Variants in TMEM181 observed in about 807,000 individuals in gnomAD.
TMEM181 encodes the protein G protein-coupled receptor 178.
Under a neutral mutation model 71.9 loss-of-function variants are expected in TMEM181, and 39 were observed. That is an observed-to-expected ratio of 0.54 (90% CI 0.42 to 0.71). The LOEUF is 0.71. TMEM181 is among the 30% of genes least tolerant of loss of function. The probability of loss-of-function intolerance (pLI) is 0.00; values close to 1 mark genes in which losing one functional copy is unlikely to be tolerated. For synonymous variants in TMEM181, 245 were observed against 228.8 expected, an observed-to-expected ratio of 1.07 and a Z score of -0.64; for missense variants, 595 against 583.0, an observed-to-expected ratio of 1.02 and a Z score of -0.21.
rs114370069 is a variant in TMEM181 at position 158,563,553 on chromosome 6, C to G, written c.8+3321C>G. 3.4e-3 allele frequency among the ~76,000 whole-genome samples: 513 copies of G among 152,338 alleles called. 2 individuals are homozygous for G. Among genetic ancestry groups the G allele is most frequent in the African/African-American group, 0.01 (430 of 41,554 alleles). Reference sequence around the variant, plus strand: ...GTTCCTAACCACCAGGCTGCACTGCCTGGAGCCTCCTGCTAGGGCCAGCAC... The same window carrying G: ...GTTCCTAACCACCAGGCTGCACTGCGTGGAGCCTCCTGCTAGGGCCAGCAC... On this transcript the variant is annotated intron_variant, in intron 1 of 16. Coordinates refer to ENST00000684151, the MANE Select transcript of TMEM181 (RefSeq NM_001376852.1).
chr6:158,591,021 C>T (rs544645631), intron 6 of TMEM181, among the ~76,000 whole-genome samples: 5 of 152,294 alleles, frequency 3.3e-5, no homozygotes, highest in Non-Finnish European at 5.9e-5. Flanking sequence ...CAGGTTGTCG[C>T]GGGATCAGTA....
intron 1 of TMEM181, among the ~76,000 whole-genome samples, chr6:158,539,672 G>A (rs1454816794): frequency 1.3e-5 from 2 of 152,178 alleles, no homozygotes; most frequent in African/African-American, 4.8e-5. Flanking sequence ...ACATAATTTG[G>A]CATCAGTGAA....
chr6:158,550,513 G>A (rs1302027048), intron 1 of TMEM181, among the ~76,000 whole-genome samples: 1 of 151,768 alleles, frequency 6.6e-6, no homozygotes, highest in Non-Finnish European at 1.5e-5. Context: ...AAAATTAGCT[G>A]GGCGTGGTGT....
intron 10 of TMEM181, 21 bp downstream of exon 10, chr6:158,608,771 T>G (rs748119016): frequency 6.2e-7 from 1 of 1,601,726 alleles, no homozygotes; most frequent in East Asian, 2.2e-5. Flanking sequence ...CTATTATGTG[T>G]GAAACTTCAG....
chr6:158,546,684 C>T (rs1038076932), intron 1 of TMEM181, among the ~76,000 whole-genome samples: 5 of 152,256 alleles, frequency 3.3e-5, no homozygotes, highest in African/African-American at 4.8e-5. Flanking sequence ...GCCAGCCAGG[C>T]GCGATGGCGC....
rs1786899086 is a variant in TMEM181 at position 158,635,344 on chromosome 6, GTT to G, written c.*3458_*3459del. 1 of 152,164 alleles carries G rather than the reference GTT, an allele frequency of 6.6e-6. No homozygotes were observed. Among genetic ancestry groups the G allele is most frequent in the Admixed American group, 6.5e-5 (1 of 15,278 alleles). 9.4% of individuals were successfully genotyped at this position (152,164 alleles called of 1,614,324 possible). A position where few individuals can be genotyped will look rare whatever the true frequency, so the allele number is the denominator to read the frequency against. Reference sequence around the variant, plus strand: ...TTGCTGTCATCAGGCAAAAGTGAATGTTTGTTTATGGCAAATTCGTCTTTTGC... The same window carrying G: ...TTGCTGTCATCAGGCAAAAGTGAATGTGTTTATGGCAAATTCGTCTTTTGC... On this transcript the variant is annotated 3_prime_UTR_variant, in exon 17 of 17. Coordinates refer to ENST00000684151, the MANE Select transcript of TMEM181 (RefSeq NM_001376852.1).
chr6:158,580,796 AC>A (rs2128298853), intron 2 of TMEM181, 143 bp from the exon 3 acceptor site: 1 of 635,498 alleles, frequency 1.6e-6, no homozygotes, highest in Admixed American at 2.5e-5. Context: ...TCTTCTACTT[AC>A]ACATTGTATA....
At chr6:158,571,361 G>A (rs1782817125) in intron 1 of TMEM181, among the ~76,000 whole-genome samples, 1 of 145,988 alleles carries the variant, frequency 6.8e-6, no homozygotes, top group African/African-American at 2.5e-5. Flanking sequence ...CTCCCAAAGT[G>A]CTGGGATTAT....
intron 1 of TMEM181, among the ~76,000 whole-genome samples, chr6:158,545,843 C>G (rs1233880660): frequency 6.6e-6 from 1 of 152,044 alleles, no homozygotes; most frequent in Non-Finnish European, 1.5e-5. Flanking sequence ...GCTCTGGCTT[C>G]CCATTCTTTT....
chr6:158,537,808 C>T (rs1170993195), intron 1 of TMEM181, among the ~76,000 whole-genome samples: 2 of 152,172 alleles, frequency 1.3e-5, no homozygotes, highest in African/African-American at 4.8e-5. Flanking sequence ...GGTCATTTTT[C>T]TAAGACCTAT....
chr6:158,631,708 G>T, intron 16 of TMEM181, 102 bp from the exon 17 acceptor site: 1 of 1,323,630 alleles, frequency 7.6e-7, no homozygotes, highest in Non-Finnish European at 1.1e-6. Context: ...TTGAAAGAGC[G>T]AAGCTATGAT....
At chr6:158,622,956 G>GC (rs1295259402) in intron 10 of TMEM181, among the ~76,000 whole-genome samples, 1 of 152,076 alleles carries the variant, frequency 6.6e-6, no homozygotes, top group African/African-American at 2.4e-5. Flanking sequence ...CTGTAAAATG[G>GC]CCCCACAGCA....
At chr6:158,580,168 T>C (rs1225253147) in intron 2 of TMEM181, among the ~76,000 whole-genome samples, 1 of 151,980 alleles carries the variant, frequency 6.6e-6, no homozygotes, top group Non-Finnish European at 1.5e-5. Context: ...CTGTCTCTAC[T>C]AAAAATAAAA....
intron 1 of TMEM181, among the ~76,000 whole-genome samples, chr6:158,554,005 A>G (rs1483843380): frequency 2.0e-5 from 3 of 151,682 alleles, no homozygotes; most frequent in South Asian, 2.1e-4. Context: ...CTCCCGGGTT[A>G]AAGTGATTCT....
chr6:158,555,388 C>T (rs1176866920), upstream of TMEM181, among the ~76,000 whole-genome samples: 2 of 152,122 alleles, frequency 1.3e-5, no homozygotes, highest in African/African-American at 2.4e-5. Flanking sequence ...ACTAAATTAA[C>T]CTTAAAAGAG....
At chr6:158,604,146 G>A (rs562354606) in intron 6 of TMEM181, among the ~76,000 whole-genome samples, 2 of 152,332 alleles carry the variant, frequency 1.3e-5, no homozygotes, top group African/African-American at 4.8e-5. Context: ...CTCCTTTCCA[G>A]CACTCTGTCC....
chr6:158,538,238 T>C (rs2128276237), intron 1 of TMEM181, among the ~76,000 whole-genome samples: 1 of 150,262 alleles, frequency 6.7e-6, no homozygotes, highest in East Asian at 2.0e-4. Flanking sequence ...CACTGCATCC[T>C]CCACTTCCCT....
intron 10 of TMEM181, among the ~76,000 whole-genome samples, chr6:158,614,958 G>A (rs113319692): frequency 1.2e-4 from 18 of 152,332 alleles, no homozygotes; most frequent in African/African-American, 4.3e-4. Context: ...ACGTGTGCAT[G>A]TGTCTTTATA....
chr6:158,614,608 G>A (rs2128322296), intron 10 of TMEM181, among the ~76,000 whole-genome samples: 1 of 152,186 alleles, frequency 6.6e-6, no homozygotes, highest in African/African-American at 2.4e-5. Context: ...TTTACATTAG[G>A]TATATCTCCT....
Sources: allele counts gnomAD v4.1 joint callset (sites outside exome capture counted in the v4.1 genomes callset), GRCh38; gene constraint gnomAD v4.1.1; transcripts MANE v1.5; gene names NCBI Gene and HGNC (gene_info 2026-07-23, HGNC 2026-07-21).